Variants in ZFPM1 observed in about 807,000 individuals in gnomAD.
ZFPM1 encodes the protein zinc finger protein, FOG family member 1.
ZFPM1 carries 28 observed loss-of-function variants against 46.3 expected under a neutral mutation model. The ratio of observed to expected loss-of-function variants is 0.60; its 90% CI spans 0.45 to 0.83. The LOEUF (loss-of-function observed/expected upper bound fraction) is 0.83, where lower values mean the gene tolerates loss of function less well. Among genes scored for constraint, ZFPM1 ranks in the 40% least tolerant of loss-of-function variants. The pLI is 0.00. For missense variants in ZFPM1, 1,878 were observed against 1,432.4 expected (o/e 1.31, Z -5.02); for synonymous variants, 957 against 675.9 (o/e 1.42, Z -6.45).
chr16:88,474,149 A>G (rs1908559289), intron 1 of ZFPM1, among the ~76,000 whole-genome samples: 1 of 152,196 alleles, frequency 6.6e-6, no homozygotes, highest in Admixed American at 6.5e-5. Context: ...CTCCCCTATC[A>G]GCCGGGCTGG....
At chr16:88,519,044 G>GCATA (rs1341503287) in intron 4 of ZFPM1, among the ~76,000 whole-genome samples, 190 of 106,372 alleles carry the variant, frequency 1.8e-3, no homozygotes, top group African/African-American at 6.5e-3. Flanking sequence ...ATGGGTGGAT[G>GCATA]GATAGATGGA....
At position 88,535,068 on chromosome 16, in the gene ZFPM1, G is replaced by A; in HGVS notation, c.*89G>A. 1 of 1,334,092 alleles carries A rather than the reference G, an allele frequency of 7.5e-7. No individual in the cohort carries two copies. The highest frequency in any genetic ancestry group is 2.0e-5 in the South Asian group (1 of 50,616). 82.6% of individuals were successfully genotyped at this position (1,334,092 alleles called of 1,614,324 possible). A position where few individuals can be genotyped will look rare whatever the true frequency, so the allele number is the denominator to read the frequency against. ...CCAGGCCGCACGGACTGCCGCTCCTGGGAACCCCGCCACGCACAGGCCTCG... is the reference window on the plus strand; with the variant it reads ...CCAGGCCGCACGGACTGCCGCTCCTAGGAACCCCGCCACGCACAGGCCTCG... On this transcript the variant is annotated 3_prime_UTR_variant, in exon 10 of 10. Transcript: ENST00000319555.
chr16:88,457,823 C>T (rs1368924775), intron 1 of ZFPM1, among the ~76,000 whole-genome samples: 16 of 152,058 alleles, frequency 1.1e-4, no homozygotes, highest in Admixed American at 9.2e-4. Context: ...AATTAGAGAT[C>T]GGGAGGTACT....
chr16:88,468,620 A>G (rs1952470197), intron 1 of ZFPM1, among the ~76,000 whole-genome samples: 1 of 152,032 alleles, frequency 6.6e-6, no homozygotes, highest in African/African-American at 2.4e-5. Context: ...AGCCCCATGC[A>G]GCTTTCTGAC....
intron 3 of ZFPM1, among the ~76,000 whole-genome samples, chr16:88,510,190 A>G (rs893482587): frequency 1.3e-5 from 2 of 152,142 alleles, no homozygotes; most frequent in Admixed American, 6.5e-5. Flanking sequence ...TGAGGCTCAG[A>G]GCACACACAA....
chr16:88,507,081 G>A (rs565371229), intron 3 of ZFPM1, among the ~76,000 whole-genome samples: 25 of 152,310 alleles, frequency 1.6e-4, no homozygotes, highest in African/African-American at 5.5e-4. Flanking sequence ...GGGGCTTCAC[G>A]GAGGGCCCAC....
chr16:88,489,696 G>C (rs1909448349), intron 3 of ZFPM1, among the ~76,000 whole-genome samples: 1 of 152,240 alleles, frequency 6.6e-6, no homozygotes, highest in Non-Finnish European at 1.5e-5. Flanking sequence ...AGGGTGGTTT[G>C]GTGACTCTGC....
chr16:88,497,373 G>A lies in ZFPM1; in HGVS notation c.268+8220G>A, dbSNP rs1443485060. 6.6e-6 allele frequency among the ~76,000 whole-genome samples: 1 copy of A among 151,926 alleles called. No homozygotes were observed. The highest frequency in any genetic ancestry group is 1.9e-4 in the East Asian group (1 of 5,146). ...GCCTGAGTTTCAAGTGGTCAGTGGT[G>A]GCTGGAACATCAGGGCCCGGGCGGG... is the stretch of plus-strand genomic sequence containing the variant. On this transcript the variant is annotated intron_variant, in intron 3 of 9. Transcript: ENST00000319555. The surrounding 1 kb of genome is among the most constrained non-coding windows in gnomAD (Gnocchi z 5.4).
At chr16:88,493,413 C>T (rs1370817058) in intron 3 of ZFPM1, among the ~76,000 whole-genome samples, 3 of 142,124 alleles carry the variant, frequency 2.1e-5, no homozygotes, top group Admixed American at 6.9e-5. Context: ...GAAGCTGTCC[C>T]GGGGTGCGGG....
chr16:88,503,468 G>A (rs1445548939), intron 3 of ZFPM1, among the ~76,000 whole-genome samples: 1 of 151,720 alleles, frequency 6.6e-6, no homozygotes, highest in African/African-American at 2.4e-5. Context: ...GGGGCCCACG[G>A]TTCCTGAGTG....
intron 3 of ZFPM1, among the ~76,000 whole-genome samples, chr16:88,493,267 C>T (rs982918405): frequency 6.8e-6 from 1 of 146,148 alleles, no homozygotes; most frequent in African/African-American, 2.6e-5. Context: ...GTGCGGGGAG[C>T]TGTCCCGGAG....
chr16:88,468,340 A>G (rs1908253287), intron 1 of ZFPM1, among the ~76,000 whole-genome samples: 1 of 152,116 alleles, frequency 6.6e-6, no homozygotes, highest in African/African-American at 2.4e-5. Flanking sequence ...GAAAGTCATC[A>G]TCATCATCAT....
intron 1 of ZFPM1, among the ~76,000 whole-genome samples, chr16:88,481,530 C>T (rs2096624497): frequency 6.6e-6 from 1 of 152,036 alleles, no homozygotes; most frequent in Non-Finnish European, 1.5e-5. Context: ...ACCTGGCTTC[C>T]CACTGTGGGT....
At chr16:88,481,444 G>A (rs1055069621) in intron 1 of ZFPM1, among the ~76,000 whole-genome samples, 5 of 102,062 alleles carry the variant, frequency 4.9e-5, no homozygotes, top group Admixed American at 3.8e-4. Context: ...CTGCCTCCTC[G>A]CCGGGGGCCG....
rs1313760073 is a variant in ZFPM1, at chr16:88,480,672, G to A, written c.41-5267G>A. On this transcript the variant is annotated intron_variant, in intron 1 of 9. Transcript: ENST00000319555. The surrounding 1 kb of genome is among the most constrained non-coding windows in gnomAD (Gnocchi z 4.9). The stretch of plus-strand genomic sequence containing the variant: ...CTGAGCCGGAGCAGGGTGCTCCCTG[G>A]GCCAGGGCCCTGGTTTTCAGAAGGC... Among the ~76,000 whole-genome samples, 1 of 152,236 alleles carries A rather than the reference G, an allele frequency of 6.6e-6. No homozygotes were observed. The highest frequency in any genetic ancestry group is 1.5e-5 in the Non-Finnish European group (1 of 68,034).
intron 4 of ZFPM1, among the ~76,000 whole-genome samples, chr16:88,523,975 C>T (rs928567636): frequency 9.8e-5 from 15 of 152,320 alleles, no homozygotes; most frequent in Admixed American, 7.2e-4. Flanking sequence ...ATCGGGGGTG[C>T]GTGCAGCGTC....
intron 1 of ZFPM1, among the ~76,000 whole-genome samples, chr16:88,456,326 C>T (rs1198352641): frequency 6.6e-6 from 1 of 152,130 alleles, no homozygotes; most frequent in Non-Finnish European, 1.5e-5. Context: ...GGTGTTTTCC[C>T]CTTGAATCAT....
intron 4 of ZFPM1, among the ~76,000 whole-genome samples, chr16:88,526,511 G>A (rs945876791): frequency 4.6e-5 from 7 of 152,276 alleles, no homozygotes; most frequent in African/African-American, 1.4e-4. Flanking sequence ...TGTGTGACCT[G>A]GAGCATGTTG....
At chr16:88,517,180 A>AGATGGATGGATG (rs72281150) in intron 4 of ZFPM1, among the ~76,000 whole-genome samples, 4 of 92,116 alleles carry the variant, frequency 4.3e-5, no homozygotes, top group South Asian at 8.6e-4. Context: ...ATGGATGGGT[A>AGATGGATGGATG]GATGGATGGA....
Sources: allele counts gnomAD v4.1 joint callset (sites outside exome capture counted in the v4.1 genomes callset), GRCh38; gene constraint gnomAD v4.1.1; non-coding constraint Gnocchi (gnomAD v3.1); transcripts MANE v1.5; gene names NCBI Gene and HGNC (gene_info 2026-07-23, HGNC 2026-07-21).